AKAP19: variants seen among roughly 807,000 people sequenced by gnomAD.
The protein encoded by AKAP19 is small A-kinase anchoring protein.
At chr2:189,981,886 G>C in the AKAP19 span, among the ~76,000 whole-genome samples, 9 of 152,260 alleles carry the variant, frequency 5.9e-5, no homozygotes, top group East Asian at 1.7e-3. Flanking sequence ...AGTCTGACAA[G>C]ATTTCCTTTA....
the AKAP19 span, among the ~76,000 whole-genome samples, chr2:190,188,483 A>G: frequency 6.6e-6 from 1 of 152,242 alleles, no homozygotes; most frequent in Admixed American, 6.5e-5. Context: ...CAAATGAATA[A>G]CAGACTAAAA....
the AKAP19 span, among the ~76,000 whole-genome samples, chr2:190,121,979 T>A: frequency 1.3e-5 from 2 of 152,238 alleles, no homozygotes; most frequent in Admixed American, 1.3e-4. Flanking sequence ...TGAGTTTTAA[T>A]GCTCTTGAAA....
chr2:189,929,636 TG>T, the AKAP19 span, among the ~76,000 whole-genome samples: 4 of 152,122 alleles, frequency 2.6e-5, no homozygotes, highest in East Asian at 7.7e-4. Flanking sequence ...CTGCATTTCC[TG>T]ACTGCAAACA....
the AKAP19 span, among the ~76,000 whole-genome samples, chr2:189,990,880 T>A: frequency 6.6e-6 from 1 of 152,064 alleles, no homozygotes. Flanking sequence ...TTCTCCTGAG[T>A]CCCCAAAGCC....
the AKAP19 span, among the ~76,000 whole-genome samples, chr2:189,913,408 A>G: frequency 1.4e-4 from 21 of 152,118 alleles, no homozygotes; most frequent in African/African-American, 4.8e-4. Context: ...ATCCAGATTT[A>G]TTAAATTACT....
the AKAP19 span, among the ~76,000 whole-genome samples, chr2:190,025,668 C>T: frequency 1.3e-5 from 2 of 152,190 alleles, no homozygotes; most frequent in East Asian, 1.9e-4. Context: ...CATTTCTGCG[C>T]AATACCAGAC....
chr2:189,886,207 G>T, the AKAP19 span, among the ~76,000 whole-genome samples: 624 of 152,256 alleles, frequency 4.1e-3, 2 homozygotes, highest in Admixed American at 9.3e-3. Flanking sequence ...GATCTAATTT[G>T]TTGCTTTGTC....
At chr2:189,962,341 G>A in the AKAP19 span, among the ~76,000 whole-genome samples, 3 of 152,094 alleles carry the variant, frequency 2.0e-5, no homozygotes, top group Non-Finnish European at 4.4e-5. Flanking sequence ...GCCCAAAGAT[G>A]CAATCCCCTG....
chr2:190,057,536 A>C, the AKAP19 span: 2 of 1,613,588 alleles, frequency 1.2e-6, no homozygotes, highest in Middle Eastern at 1.6e-4. Flanking sequence ...GTTAGAGGGT[A>C]ACGACAGCAT....
At chr2:189,937,672 C>T in the AKAP19 span, among the ~76,000 whole-genome samples, 4 of 152,252 alleles carry the variant, frequency 2.6e-5, no homozygotes, top group African/African-American at 9.6e-5. Flanking sequence ...GCTCAACATC[C>T]TTGACCATCA....
At chr2:190,138,092 C>T in the AKAP19 span, among the ~76,000 whole-genome samples, 4 of 152,202 alleles carry the variant, frequency 2.6e-5, no homozygotes, top group Non-Finnish European at 5.9e-5. Context: ...CAGGTTTCTA[C>T]CTACTACTGA....
At chr2:190,105,572 T>G in the AKAP19 span, among the ~76,000 whole-genome samples, 1 of 152,226 alleles carries the variant, frequency 6.6e-6, no homozygotes, top group Non-Finnish European at 1.5e-5. Context: ...TCCTCTTTTT[T>G]TCCTCTGCCT....
At chr2:190,111,063 G>A in the AKAP19 span, among the ~76,000 whole-genome samples, 1 of 152,198 alleles carries the variant, frequency 6.6e-6, no homozygotes, top group African/African-American at 2.4e-5. Flanking sequence ...TTCTAATTTT[G>A]TGCCAAGGGC....
chr2:190,020,969 C>T, the AKAP19 span, among the ~76,000 whole-genome samples: 47 of 152,144 alleles, frequency 3.1e-4, no homozygotes, highest in Admixed American at 1.2e-3. Context: ...CTTGTATTAG[C>T]ATATATCAGA....
At chr2:189,891,020 C>T in the AKAP19 span, among the ~76,000 whole-genome samples, 1 of 152,002 alleles carries the variant, frequency 6.6e-6, no homozygotes, top group Non-Finnish European at 1.5e-5. Flanking sequence ...GATGGTCTTT[C>T]AAGTTGGTAT....
At chr2:190,138,800 A>G in the AKAP19 span, among the ~76,000 whole-genome samples, 2 of 152,220 alleles carry the variant, frequency 1.3e-5, no homozygotes, top group South Asian at 2.1e-4. Flanking sequence ...TTAGCTCCCT[A>G]TACCACTTCC....
the AKAP19 span, among the ~76,000 whole-genome samples, chr2:190,082,840 A>C: frequency 6.6e-6 from 1 of 152,240 alleles, no homozygotes; most frequent in Non-Finnish European, 1.5e-5. Flanking sequence ...GCAGTTTTCC[A>C]GTATTAATGC....
At chr2:190,009,679 A>G in the AKAP19 span, among the ~76,000 whole-genome samples, 2 of 152,214 alleles carry the variant, frequency 1.3e-5, no homozygotes, top group Admixed American at 1.3e-4. Context: ...GGAGAAATGT[A>G]TAAGCTGGCA....
At chr2:190,013,711 G>C in the AKAP19 span, among the ~76,000 whole-genome samples, 1 of 151,796 alleles carries the variant, frequency 6.6e-6, no homozygotes, top group Non-Finnish European at 1.5e-5. Context: ...GTAGAGACAG[G>C]GTTTCACTGT....
Sources: gnomAD v4.1 joint callset for allele counts (sites outside exome capture counted in the v4.1 genomes callset) on GRCh38, gnomAD v4.1.1 for gene constraint, MANE v1.5 for transcripts, NCBI Gene and HGNC (gene_info 2026-07-23, HGNC 2026-07-21) for gene names.